OSBP2: variants seen among roughly 807,000 people sequenced by gnomAD.
The protein encoded by OSBP2 is oxysterol-binding protein 2.
In OSBP2, 66 loss-of-function variants were observed where a neutral mutation model predicts 96.0. The ratio of observed to expected loss-of-function variants is 0.69; its 90% CI spans 0.56 to 0.84. The LOEUF is 0.84. Ranked by LOEUF, OSBP2 falls within the 40% of genes least tolerant of loss-of-function variation. The probability of loss-of-function intolerance (pLI) is 0.00; values close to 1 mark genes in which losing one functional copy is unlikely to be tolerated. For missense variants in OSBP2, 1,038 were observed against 1,222.7 expected (o/e 0.85, Z 2.25); for synonymous variants, 525 against 520.9 (o/e 1.01, Z -0.11).
At chr22:30,762,119 C>T (rs2090211793) in intron 2 of OSBP2, among the ~76,000 whole-genome samples, 3 of 151,922 alleles carry the variant, frequency 2.0e-5, no homozygotes, top group African/African-American at 7.3e-5. Flanking sequence ...TATTTGGAGG[C>T]TGAGTCAGGA....
intron 1 of OSBP2, among the ~76,000 whole-genome samples, chr22:30,724,240 C>G (rs1037204277): frequency 6.6e-6 from 1 of 151,946 alleles, no homozygotes; most frequent in Non-Finnish European, 1.5e-5. Flanking sequence ...TGTTTTGAGA[C>G]GGAGCCTCAC....
Position 30,891,172 on chromosome 22 carries a change from G to A in OSBP2, c.1869+199G>A, listed in dbSNP as rs370415820. The stretch of plus-strand genomic sequence containing the variant: ...AGGCACACGGCCTCCTGGAGATGGC[G>A]AGGGGCATGAGAACTCAGCTTGGTG... On this transcript the variant is annotated intron_variant, in intron 8 of 13. Coordinates refer to ENST00000332585, the MANE Select transcript of OSBP2 (RefSeq NM_030758.4). 1.5e-3 allele frequency among the ~76,000 whole-genome samples: 224 copies of A among 152,360 alleles called. 1 individual carries two copies. Among genetic ancestry groups the A allele is most frequent in the African/African-American group, 5.0e-3 (206 of 41,588 alleles).
At chr22:30,900,920 C>T (rs2040179839) in intron 12 of OSBP2, among the ~76,000 whole-genome samples, 1 of 152,064 alleles carries the variant, frequency 6.6e-6, no homozygotes, top group Non-Finnish European at 1.5e-5. Flanking sequence ...CTTTTACTCA[C>T]TAAAAGGCAA....
At chr22:30,861,858 G>C (rs185272141) in intron 2 of OSBP2, among the ~76,000 whole-genome samples, 10 of 152,134 alleles carry the variant, frequency 6.6e-5, no homozygotes, top group Non-Finnish European at 1.0e-4. Context: ...GCAGCTTCAG[G>C]GGGGCTCAGG....
intron 3 of OSBP2, among the ~76,000 whole-genome samples, chr22:30,878,281 T>G (rs909882882): frequency 2.0e-5 from 3 of 152,248 alleles, no homozygotes; most frequent in South Asian, 2.1e-4. Context: ...CTCTGCTGTT[T>G]GGAGAATGCG....
rs1183258470 is a variant in OSBP2 at position 30,890,935 on chromosome 22, C to T, written c.1831C>T (p.Arg611Cys). The change falls in exon 8 of 14, where the codon CGC (arginine) becomes TGC (cysteine). Residue 611 changes from arginine (R) to cysteine (C), a missense_variant. Coordinates refer to ENST00000332585, the MANE Select transcript of OSBP2 (RefSeq NM_030758.4). The surrounding 1 kb of genome is among the most constrained non-coding windows in gnomAD (Gnocchi z 4.4). Reference sequence around the variant, plus strand: ...GCTGGGGGAGACCTTCGAGCTGGACCGCCTCGACGACATGGGCCTGCGCTC... The same window carrying T: ...GCTGGGGGAGACCTTCGAGCTGGACTGCCTCGACGACATGGGCCTGCGCTC... The part of the protein sequence containing the change: ...PMLGETFELD[R>C]LDDMGLRSLC... The T allele has an allele frequency of 1.9e-6, 3 of 1,611,406 alleles. No homozygotes were observed. The highest frequency in any genetic ancestry group is 2.5e-6 in the Non-Finnish European group (3 of 1,180,020).
At chr22:30,858,321 T>C (rs1602368074) in intron 2 of OSBP2, among the ~76,000 whole-genome samples, 1 of 150,734 alleles carries the variant, frequency 6.6e-6, no homozygotes, top group Non-Finnish European at 1.5e-5. Context: ...TAATTTTTTG[T>C]ATTTTTAGTA....
Position 30,906,414 on chromosome 22 carries a change from T to TTAATTAAA in OSBP2, c.*75_*76insTAATTAAA. The TTAATTAAA allele has an allele frequency of 2.8e-6, 4 of 1,448,252 alleles. No individual in the cohort carries two copies. In the South Asian group the frequency reaches 6.0e-5, roughly 22 times the overall value. 89.7% of individuals were successfully genotyped at this position (1,448,252 alleles called of 1,614,324 possible). The stretch of plus-strand genomic sequence containing the variant: ...TTCATTAATGCACTCAATTTAGTAC[T>TTAATTAAA]GAATGGTCTTTCTCCCAGCCCATTC... On this transcript the variant is annotated 3_prime_UTR_variant, in exon 14 of 14. Coordinates refer to ENST00000332585, the MANE Select transcript of OSBP2 (RefSeq NM_030758.4).
At chr22:30,730,774 CTATATATATATATATATA>C (rs1206537838) in intron 1 of OSBP2, among the ~76,000 whole-genome samples, 1 of 13,836 alleles carries the variant, frequency 7.2e-5, no homozygotes, top group South Asian at 3.8e-3. Flanking sequence ...CTCTCTCTCT[CTATATATATATATATATA>C]TATATATATA....
In OSBP2 at chr22:30,893,115, G is replaced by A. The variant is rs1165239047; in HGVS notation, c.1870-7G>A. ...CAGATGCTCACATCCTATGGGTCTG[G>A]TCTCAGGTGAGCCACCACCCCCCCT... On this transcript the variant is annotated splice_polypyrimidine_tract_variant and splice_region_variant and intron_variant, in intron 8 of 13. Transcript: ENST00000332585. 2.5e-6 allele frequency: 4 copies of A among 1,613,710 alleles called. No homozygotes were observed. Among genetic ancestry groups the A allele is most frequent in the African/African-American group, 2.7e-5 (2 of 75,024 alleles).
At chr22:30,837,261 C>CAAAAAA (rs34674333) in intron 2 of OSBP2, among the ~76,000 whole-genome samples, 1 of 110,836 alleles carries the variant, frequency 9.0e-6, no homozygotes, top group African/African-American at 3.2e-5. Flanking sequence ...GACTCTGTCT[C>CAAAAAA]AAAAAAAAAA....
chr22:30,822,905 C>T (rs551785925), intron 2 of OSBP2, among the ~76,000 whole-genome samples: 90 of 152,324 alleles, frequency 5.9e-4, no homozygotes, highest in African/African-American at 2.1e-3. Context: ...GCTTCACGCG[C>T]GGGGCATTTT....
rs2147109090 is a variant in OSBP2 at position 30,870,469 on chromosome 22, C to T, written c.894C>T (p.Asp298=). ...GDDDEATTPA[D]KSELHHTLKN... ...ACGACGAGGCTACCACCCCAGCCGA[C>T]AAGAGCGAGCTGCACCACACCCTGA... The change falls in exon 3 of 14, where the codon GAC becomes GAT. Residue 298 remains aspartate, a synonymous_variant. Transcript: ENST00000332585. The surrounding 1 kb of genome is among the most constrained non-coding windows in gnomAD (Gnocchi z 4.1). 6.2e-7 allele frequency: 1 copy of T among 1,614,066 alleles called. No individual in the cohort carries two copies. The highest frequency in any genetic ancestry group is 2.2e-5 in the East Asian group (1 of 44,886).
In OSBP2 at chr22:30,881,703, C is replaced by T. The variant is rs892202238; in HGVS notation, c.1108-5723C>T. 4.6e-6 allele frequency: 6 copies of T among 1,304,124 alleles called. No homozygotes were observed. The highest frequency in any genetic ancestry group is 4.6e-5 in the Admixed American group (2 of 43,572). The allele number at this position is 1,304,124 out of a possible 1,614,324, so 80.8% of individuals were successfully genotyped here. A position where few individuals can be genotyped will look rare whatever the true frequency, so the allele number is the denominator to read the frequency against. Reference sequence around the variant, plus strand: ...CTCAGCATTCTGAGAACAGCAGGGCCACGCCAGGCGCCTGCCTCTCCCCAC... The same window carrying T: ...CTCAGCATTCTGAGAACAGCAGGGCTACGCCAGGCGCCTGCCTCTCCCCAC... On this transcript the variant is annotated intron_variant, in intron 3 of 13. Transcript: ENST00000332585. The surrounding 1 kb of genome is among the most constrained non-coding windows in gnomAD (Gnocchi z 4.5).
At chr22:30,787,383 A>G (rs2090606375) in intron 2 of OSBP2, among the ~76,000 whole-genome samples, 1 of 151,576 alleles carries the variant, frequency 6.6e-6, no homozygotes, top group African/African-American at 2.4e-5. Flanking sequence ...CGAGAATAGA[A>G]TGGTCGGGGC....
In OSBP2 at chr22:30,826,754, A is replaced by AG. The variant is rs534159098; in HGVS notation, c.854-43671dup. On this transcript the variant is annotated intron_variant, in intron 2 of 13. Transcript: ENST00000332585. ...CAATGGGAAGGGCCATCTGAGGCTG[A>AG]GGGGCAAGGAGCATCCTTGGGTGGT... Among the ~76,000 whole-genome samples the AG allele has an allele frequency of 6.8e-4, 104 of 152,266 alleles. 2 individuals carry two copies. The East Asian group carries it at 0.014, about 21-fold the overall frequency.
intron 2 of OSBP2, among the ~76,000 whole-genome samples, chr22:30,758,341 C>T (rs1277221528): frequency 6.6e-6 from 1 of 152,124 alleles, no homozygotes; most frequent in East Asian, 1.9e-4. Flanking sequence ...GAAGAGGTTG[C>T]AGTGAGCCGA....
At chr22:30,903,286 C>G (rs759651971) in intron 12 of OSBP2, among the ~76,000 whole-genome samples, 9 of 152,240 alleles carry the variant, frequency 5.9e-5, no homozygotes, top group South Asian at 2.1e-4. Flanking sequence ...ACAGACTGAA[C>G]TGCACCTTGT....
chr22:30,785,255 G>A (rs559517681), intron 2 of OSBP2, among the ~76,000 whole-genome samples: 2 of 152,236 alleles, frequency 1.3e-5, no homozygotes, highest in African/African-American at 4.8e-5. Flanking sequence ...GGAGCAGAGA[G>A]TACCTTGCAC....
Sources: allele counts gnomAD v4.1 joint callset (sites outside exome capture counted in the v4.1 genomes callset), GRCh38; gene constraint gnomAD v4.1.1; non-coding constraint Gnocchi (gnomAD v3.1); transcripts MANE v1.5; gene names NCBI Gene and HGNC (gene_info 2026-07-23, HGNC 2026-07-21).